The following ZNF277 variants were observed in gnomAD, a reference collection of about 807,000 sequenced individuals.
ZNF277 encodes nuclear receptor-interacting factor 4.
ZNF277 carries 55 observed loss-of-function variants against 60.7 expected under a neutral mutation model. That is an observed-to-expected ratio of 0.91 (90% CI 0.73 to 1.13). ZNF277 has a LOEUF of 1.13. Among genes scored for constraint, ZNF277 ranks in the 50% most tolerant of loss-of-function variants. The pLI is 0.00. For missense variants in ZNF277, 510 were observed against 523.0 expected (o/e 0.98, Z 0.24); for synonymous variants, 178 against 179.3 (o/e 0.99, Z 0.06).
chr7:112,281,942 C>T (rs1223860460), intron 1 of ZNF277, among the ~76,000 whole-genome samples: 1 of 152,176 alleles, frequency 6.6e-6, no homozygotes, highest in Non-Finnish European at 1.5e-5. Context: ...AAGCAGTTCT[C>T]CTGCCTCAGT....
intron 6 of ZNF277, among the ~76,000 whole-genome samples, chr7:112,329,500 G>T (rs748271026): frequency 1.3e-5 from 2 of 152,096 alleles, no homozygotes; most frequent in African/African-American, 4.8e-5. Context: ...TAAATACCTA[G>T]CACAGTTCAT....
chr7:112,333,709 C>G (rs774864284), intron 7 of ZNF277, among the ~76,000 whole-genome samples: 4 of 152,224 alleles, frequency 2.6e-5, no homozygotes, highest in Admixed American at 1.3e-4. Flanking sequence ...GAGATAATTT[C>G]TGTGCTGAAT....
In ZNF277 at chr7:112,304,880, A is replaced by C. The variant is rs187689431; in HGVS notation, c.465+8569A>C. ...AATTAAAATTATCCAATACTTTCAAATTTATTTAGAATAAAAATTCAGACT... is the reference window on the plus strand; with the variant it reads ...AATTAAAATTATCCAATACTTTCAACTTTATTTAGAATAAAAATTCAGACT... On this transcript the variant is annotated intron_variant, in intron 4 of 11. Transcript: ENST00000361822. Among the ~76,000 whole-genome samples the C allele has an allele frequency of 5.3e-5, 8 of 152,252 alleles. No individual in the cohort carries two copies. In the East Asian group the frequency reaches 1.4e-3, roughly 26 times the overall value.
chr7:112,332,039 G>T (rs947567412), intron 7 of ZNF277, among the ~76,000 whole-genome samples: 1 of 152,198 alleles, frequency 6.6e-6, no homozygotes, highest in Non-Finnish European at 1.5e-5. Context: ...TGTCAAAACT[G>T]AAATCATCTG....
chr7:112,258,363 ACTT>A (rs1306543880), intron 1 of ZNF277, among the ~76,000 whole-genome samples: 2 of 150,804 alleles, frequency 1.3e-5, no homozygotes, highest in Non-Finnish European at 2.9e-5. Context: ...TCAAATAAAC[ACTT>A]CTTTTTTTTT....
intron 1 of ZNF277, among the ~76,000 whole-genome samples, chr7:112,248,845 T>A (rs1475342299): frequency 6.6e-6 from 1 of 152,182 alleles, no homozygotes; most frequent in Non-Finnish European, 1.5e-5. Flanking sequence ...TCTTAGCTCT[T>A]CTTTTCCATC....
At chr7:112,236,052 G>A (rs1196421894) in intron 1 of ZNF277, among the ~76,000 whole-genome samples, 1 of 151,944 alleles carries the variant, frequency 6.6e-6, no homozygotes, top group Non-Finnish European at 1.5e-5. Flanking sequence ...CCATATATGT[G>A]GGGTTTACAT....
intron 1 of ZNF277, among the ~76,000 whole-genome samples, chr7:112,263,158 T>TA (rs1447953381): frequency 6.6e-6 from 1 of 152,168 alleles, no homozygotes; most frequent in African/African-American, 2.4e-5. Flanking sequence ...ACAGTGGAGA[T>TA]ACGTACTTGT....
At position 112,247,787 on chromosome 7, in the gene ZNF277, G is replaced by A. The variant is rs373464936; in HGVS notation, c.92-39086G>A. Among the ~76,000 whole-genome samples the A allele has an allele frequency of 3.2e-3, 487 of 152,124 alleles. 2 individuals are homozygous for A. Among genetic ancestry groups the A allele is most frequent in the Middle Eastern group, 0.02 (6 of 294 alleles). On this transcript the variant is annotated intron_variant, in intron 1 of 11. Coordinates refer to ENST00000361822, the MANE Select transcript of ZNF277 (RefSeq NM_021994.3). ...GTTCGAGACCAGCCTGGCCAATGTGGTGAGACCCTGTCTCTACTAAAAATA... is the reference window on the plus strand; with the variant it reads ...GTTCGAGACCAGCCTGGCCAATGTGATGAGACCCTGTCTCTACTAAAAATA...
chr7:112,213,944 TAA>T (rs751135486), intron 1 of ZNF277, among the ~76,000 whole-genome samples: 7 of 152,222 alleles, frequency 4.6e-5, no homozygotes, highest in African/African-American at 7.2e-5. Flanking sequence ...TGAGATGATA[TAA>T]TAGTCTGGTC....
chr7:112,328,997 AC>A (rs569486265), intron 6 of ZNF277, among the ~76,000 whole-genome samples: 4 of 152,302 alleles, frequency 2.6e-5, no homozygotes, highest in Admixed American at 2.6e-4. Context: ...TTAAACGACT[AC>A]CTATAAAATA....
At chr7:112,235,443 A>G (rs916381181) in intron 1 of ZNF277, among the ~76,000 whole-genome samples, 2 of 152,098 alleles carry the variant, frequency 1.3e-5, no homozygotes, top group Non-Finnish European at 2.9e-5. Flanking sequence ...TTTTTTTACT[A>G]TAGCCACCCA....
intron 1 of ZNF277, among the ~76,000 whole-genome samples, chr7:112,223,471 G>A (rs975794956): frequency 2.0e-5 from 3 of 152,334 alleles, no homozygotes; most frequent in Middle Eastern, 3.4e-3. Flanking sequence ...AGTCTCCATG[G>A]TGGATAGTTT....
At chr7:112,259,060 C>T (rs1791385683) in intron 1 of ZNF277, among the ~76,000 whole-genome samples, 1 of 152,090 alleles carries the variant, frequency 6.6e-6, no homozygotes, top group South Asian at 2.1e-4. Flanking sequence ...CTCTTTTCTT[C>T]CCTTACTGAT....
intron 1 of ZNF277, among the ~76,000 whole-genome samples, chr7:112,270,521 A>G (rs1460034318): frequency 2.6e-5 from 4 of 152,170 alleles, no homozygotes; most frequent in African/African-American, 9.7e-5. Context: ...GCAAAAATAC[A>G]TATGAACCAA....
chr7:112,246,308 C>T (rs187680490), intron 1 of ZNF277, among the ~76,000 whole-genome samples: 1 of 152,102 alleles, frequency 6.6e-6, no homozygotes, highest in African/African-American at 2.4e-5. Context: ...GTGGGACAAT[C>T]ATTTGAGCCT....
chr7:112,213,299 T>A (rs1363311432), intron 1 of ZNF277, among the ~76,000 whole-genome samples: 3 of 152,210 alleles, frequency 2.0e-5, no homozygotes, highest in Non-Finnish European at 2.9e-5. Context: ...TTAAAACCTC[T>A]TTCTTTTGTA....
intron 4 of ZNF277, among the ~76,000 whole-genome samples, chr7:112,316,310 G>A (rs1324205322): frequency 1.3e-5 from 2 of 151,932 alleles, no homozygotes; most frequent in East Asian, 1.9e-4. Flanking sequence ...CCCACTTTTT[G>A]AAGGGTTTGT....
At chr7:112,234,864 G>A (rs553558346) in intron 1 of ZNF277, among the ~76,000 whole-genome samples, 2 of 151,606 alleles carry the variant, frequency 1.3e-5, no homozygotes, top group Admixed American at 6.6e-5. Context: ...TTATATATAA[G>A]AGCCATTTGT....
Sources: allele counts gnomAD v4.1 joint callset (sites outside exome capture counted in the v4.1 genomes callset), GRCh38; gene constraint gnomAD v4.1.1; transcripts MANE v1.5; gene names NCBI Gene and HGNC (gene_info 2026-07-23, HGNC 2026-07-21).